CLSTN1: variants seen among roughly 807,000 people sequenced by gnomAD.
CLSTN1 encodes the protein calsyntenin 1, also known as calsyntenin-1.
CLSTN1 carries 28 observed loss-of-function variants against 108.3 expected under a neutral mutation model. The observed-to-expected ratio is 0.26, with a 90% CI of 0.19 to 0.35. The LOEUF (loss-of-function observed/expected upper bound fraction) is 0.35, where lower values mean the gene tolerates loss of function less well. CLSTN1 is among the 10% of genes least tolerant of loss of function. The pLI is 1.00. For missense variants in CLSTN1, 1,157 were observed against 1,302.6 expected (o/e 0.89, Z 1.72); for synonymous variants, 524 against 534.9 (o/e 0.98, Z 0.28).
chr1:9,799,023 C>T (rs1654135757), intron 1 of CLSTN1, among the ~76,000 whole-genome samples: 1 of 151,648 alleles, frequency 6.6e-6, no homozygotes, highest in Non-Finnish European at 1.5e-5. Context: ...CTTACTAAAT[C>T]AAAATAAATT....
intron 2 of CLSTN1, among the ~76,000 whole-genome samples, chr1:9,766,818 C>T (rs192824570): frequency 6.6e-6 from 1 of 152,322 alleles, no homozygotes; most frequent in East Asian, 1.9e-4. Flanking sequence ...CAGAATTTCA[C>T]CCCAAGGAAA....
intron 2 of CLSTN1, among the ~76,000 whole-genome samples, chr1:9,763,674 T>C (rs182045031): frequency 1.3e-4 from 20 of 152,300 alleles, no homozygotes; most frequent in Non-Finnish European, 2.1e-4. Flanking sequence ...GAAAACCCCA[T>C]GCATCCATTC....
chr1:9,779,008 CGA>C (rs1477635364), intron 1 of CLSTN1, among the ~76,000 whole-genome samples: 2 of 145,608 alleles, frequency 1.4e-5, no homozygotes, highest in African/African-American at 5.1e-5. Context: ...GGGAGAGAAG[CGA>C]GAGACTTCGT....
chr1:9,762,550 C>T (rs940646745), intron 2 of CLSTN1, among the ~76,000 whole-genome samples: 28 of 150,342 alleles, frequency 1.9e-4, no homozygotes, highest in African/African-American at 6.1e-4. Context: ...CCACACTCAA[C>T]GGCTCCGCTC....
At chr1:9,802,451 A>G (rs1459224399) in intron 1 of CLSTN1, among the ~76,000 whole-genome samples, 6 of 152,214 alleles carry the variant, frequency 3.9e-5, no homozygotes, top group Non-Finnish European at 4.4e-5. Context: ...TCACATTAAA[A>G]AGTGCTACAA....
At chr1:9,816,511 GAACT>G (rs1654976386) in intron 1 of CLSTN1, among the ~76,000 whole-genome samples, 1 of 149,332 alleles carries the variant, frequency 6.7e-6, no homozygotes, top group Non-Finnish European at 1.5e-5. Context: ...TATGGTATGT[GAACT>G]ATACCTCAAT....
intron 1 of CLSTN1, among the ~76,000 whole-genome samples, chr1:9,813,770 T>C (rs558951505): frequency 6.6e-6 from 1 of 152,154 alleles, no homozygotes; most frequent in African/African-American, 2.4e-5. Context: ...TTTATGACAT[T>C]CAACTATTTT....
intron 1 of CLSTN1, among the ~76,000 whole-genome samples, chr1:9,777,117 G>A (rs951557555): frequency 1.6e-4 from 25 of 151,772 alleles, no homozygotes; most frequent in Admixed American, 9.2e-4. Flanking sequence ...CTTCTCGGGC[G>A]GCTGAGGCAG....
At chr1:9,800,818 A>G (rs1182610416) in intron 1 of CLSTN1, among the ~76,000 whole-genome samples, 49 of 152,004 alleles carry the variant, frequency 3.2e-4, no homozygotes, top group Admixed American at 3.2e-3. Context: ...ATGCTCCTGT[A>G]ATCCCAGCTA....
chr1:9,817,011 T>C (rs981900214), intron 1 of CLSTN1, among the ~76,000 whole-genome samples: 5 of 152,184 alleles, frequency 3.3e-5, no homozygotes, highest in Non-Finnish European at 5.9e-5. Context: ...GCTTGAAAAG[T>C]AGCAGACTCA....
rs1651435879 is a variant in CLSTN1 at position 9,749,331 on chromosome 1, A to C, written c.985+130T>G. ...ACTAGCCAGCAAGGCAGCAAAGTTCACTTCAGAAATGCAGATTCTCTGTCA... is the reference window on the plus strand; with the variant it reads ...ACTAGCCAGCAAGGCAGCAAAGTTCCCTTCAGAAATGCAGATTCTCTGTCA... On this transcript the variant is annotated intron_variant, in intron 7 of 18. Coordinates refer to ENST00000377298, the MANE Select transcript of CLSTN1 (RefSeq NM_001009566.3). 1.1e-5 allele frequency: 11 copies of C among 980,908 alleles called. No individual in the cohort carries two copies. The Admixed American group carries it at 2.4e-4, about 21-fold the overall frequency. 60.8% of individuals were successfully genotyped at this position (980,908 alleles called of 1,614,324 possible).
At chr1:9,817,882 G>C (rs1288757078) in intron 1 of CLSTN1, among the ~76,000 whole-genome samples, 2 of 152,094 alleles carry the variant, frequency 1.3e-5, no homozygotes, top group Non-Finnish European at 2.9e-5. Context: ...GCAGCTCTTA[G>C]GGAAAAGACG....
At chr1:9,756,813 C>T (rs1042081288) in intron 2 of CLSTN1, among the ~76,000 whole-genome samples, 2 of 152,144 alleles carry the variant, frequency 1.3e-5, no homozygotes, top group African/African-American at 2.4e-5. Flanking sequence ...CAGAGTCTCG[C>T]TCTGTCACCC....
In CLSTN1 at chr1:9,803,402, C is replaced by T. The variant is rs552601866; in HGVS notation, c.91+20241G>A. 9.9e-5 allele frequency among the ~76,000 whole-genome samples: 15 copies of T among 152,264 alleles called. No homozygotes were observed. In the East Asian group the frequency reaches 2.3e-3, roughly 23 times the overall value. On this transcript the variant is annotated intron_variant, in intron 1 of 18. Transcript: ENST00000377298. ...GGCAGACAGCCCAGGTACAGGCCCA[C>T]GCACAGATATTCCATGGGTAAAACC...
chr1:9,731,397 G>T lies in CLSTN1; in HGVS notation c.2564-7C>A. ...GTCGCAGTGCTGGGGACGACTGTGG[G>T]AGAATGAGGGGGCGGGATGCGAGGT... On this transcript the variant is annotated splice_polypyrimidine_tract_variant and splice_region_variant and intron_variant, in intron 17 of 18. Transcript: ENST00000377298. 6.2e-7 allele frequency: 1 copy of T among 1,612,540 alleles called. No individual in the cohort carries two copies. Among genetic ancestry groups the T allele is most frequent in the South Asian group, 1.1e-5 (1 of 91,064 alleles).
chr1:9,781,353 C>A, intron 1 of CLSTN1: 1 of 490,728 alleles, frequency 2.0e-6, no homozygotes, highest in South Asian at 3.4e-5. Context: ...AAAAATTTTC[C>A]TTTTTAAAAG....
Position 9,744,001 on chromosome 1 carries a change from C to A in CLSTN1, c.1239G>T (p.Met413Ile). The A allele has an allele frequency of 1.2e-6, 2 of 1,613,782 alleles. No individual in the cohort carries two copies. Among genetic ancestry groups the A allele is most frequent in the Non-Finnish European group, 1.7e-6 (2 of 1,179,826 alleles). ...CATAGAGGGAGTAGTGGTGCCGATT[C>A]ATATCTGCAAAGGCAGTTTCTATGG... ...TILCSSDKTD[M>I]NRHHYSLYVH... Residue 413 changes from methionine (M) to isoleucine (I), a missense_variant, in exon 9 of 19, where the codon ATG becomes ATT. Physicochemically the swap from Met to Ile is conservative, Grantham distance 10. Transcript: ENST00000377298.
chr1:9,759,698 C>T (rs1303473197), intron 2 of CLSTN1, among the ~76,000 whole-genome samples: 7 of 152,178 alleles, frequency 4.6e-5, no homozygotes, highest in Non-Finnish European at 1.0e-4. Flanking sequence ...TACATCATTG[C>T]GAAAGAGATC....
At chr1:9,781,446 CT>C (rs766133785) in intron 1 of CLSTN1, among the ~76,000 whole-genome samples, 261 of 143,532 alleles carry the variant, frequency 1.8e-3, no homozygotes, top group Admixed American at 1.9e-3. Flanking sequence ...ACATCTTATT[CT>C]TTTTTTTTTT....
Sources: gnomAD v4.1 joint callset for allele counts (sites outside exome capture counted in the v4.1 genomes callset) on GRCh38, gnomAD v4.1.1 for gene constraint, MANE v1.5 for transcripts, NCBI Gene and HGNC (gene_info 2026-07-23, HGNC 2026-07-21) for gene names.